ST7: variants seen among roughly 807,000 people sequenced by gnomAD.
The protein encoded by ST7 is suppressor of tumorigenicity 7 protein.
A neutral mutation model predicts 78.7 loss-of-function variants in ST7; 28 were observed. The observed-to-expected ratio is 0.36, with a 90% confidence interval of 0.26 to 0.49. ST7 has a LOEUF of 0.49. ST7 is among the 20% of genes least tolerant of loss of function. The pLI is 0.99. For synonymous variants in ST7, 247 were observed against 249.6 expected (o/e 0.99, Z 0.10); for missense variants, 418 against 696.0 (o/e 0.60, Z 4.49).
intron 1 of ST7, among the ~76,000 whole-genome samples, chr7:117,086,381 T>C (rs527953738): frequency 1.2e-4 from 18 of 152,302 alleles, no homozygotes; most frequent in African/African-American, 4.3e-4. Flanking sequence ...TTTTAACCAA[T>C]TACTGATCCA....
In ST7 at chr7:117,047,744, C is replaced by A. The variant is rs80037917; in HGVS notation, c.152-52018C>A. ...TTTTTCGTGGTTATAAGTCTCCATG[C>A]CAAATTTTTATTCTAGAAATTGGCC... is the stretch of plus-strand genomic sequence containing the variant. On this transcript the variant is annotated intron_variant, in intron 1 of 15. Coordinates refer to ENST00000323984, the MANE Select transcript of ST7 (RefSeq NM_001369598.1). Among the ~76,000 whole-genome samples the A allele has an allele frequency of 5.8e-3, 878 of 152,248 alleles. 9 individuals are homozygous for A. The highest frequency in any genetic ancestry group is 0.02 in the African/African-American group (826 of 41,538).
At chr7:117,135,972 C>A in intron 7 of ST7, 109 bp from the exon 8 acceptor site, 2 of 1,172,986 alleles carry the variant, frequency 1.7e-6, no homozygotes, top group Non-Finnish European at 1.2e-6. Flanking sequence ...AACCAGTTGG[C>A]CACTCTGCAT....
At chr7:117,009,393 G>T (rs1310935880) in intron 1 of ST7, among the ~76,000 whole-genome samples, 2 of 151,820 alleles carry the variant, frequency 1.3e-5, no homozygotes, top group Non-Finnish European at 2.9e-5. Context: ...ACACAGGAAG[G>T]TCTGTGGTTT....
chr7:117,206,742 A>G (rs1287987782), intron 12 of ST7, among the ~76,000 whole-genome samples: 1 of 152,206 alleles, frequency 6.6e-6, no homozygotes, highest in Non-Finnish European at 1.5e-5. Flanking sequence ...GTATATTTTC[A>G]GTCAGTAGCT....
intron 1 of ST7, chr7:117,090,605 C>T (rs1800538582): frequency 6.4e-6 from 1 of 156,608 alleles, no homozygotes; most frequent in South Asian, 2.1e-4. Flanking sequence ...TACAAATAGA[C>T]ATTTATTTTT....
chr7:117,013,604 G>T (rs1393504924), intron 1 of ST7, among the ~76,000 whole-genome samples: 1 of 152,178 alleles, frequency 6.6e-6, no homozygotes, highest in African/African-American at 2.4e-5. Context: ...GAGGCGGGCG[G>T]ATAACCTAAG....
rs1048501618 is a variant in ST7 at position 117,013,979 on chromosome 7, A to G, written c.151+60288A>G. Among the ~76,000 whole-genome samples the G allele has an allele frequency of 2.0e-5, 3 of 152,238 alleles. No homozygotes were observed. The East Asian group carries it at 5.8e-4, about 29-fold the overall frequency. On this transcript the variant is annotated intron_variant, in intron 1 of 15. Transcript: ENST00000323984. ...AAAATCACATTTTATAGCATTGTCA[A>G]CTTTATAATTTCTTTTGGAGAAACC...
chr7:117,217,272 G>A (rs913010479), intron 13 of ST7, among the ~76,000 whole-genome samples: 2 of 148,984 alleles, frequency 1.3e-5, no homozygotes, highest in Non-Finnish European at 3.0e-5. Flanking sequence ...TTTGCACATG[G>A]AGAATCTGGA....
chr7:117,121,249 TA>T (rs918854620), intron 3 of ST7, among the ~76,000 whole-genome samples: 10 of 152,342 alleles, frequency 6.6e-5, no homozygotes, highest in Middle Eastern at 3.4e-3. Flanking sequence ...TTTATTATAC[TA>T]GCTGGATAAA....
intron 1 of ST7, among the ~76,000 whole-genome samples, chr7:117,050,231 A>T (rs867717065): frequency 6.6e-6 from 1 of 151,808 alleles, no homozygotes; most frequent in Non-Finnish European, 1.5e-5. Flanking sequence ...AAAAAAAAGA[A>T]AAAAAGAAAA....
intron 12 of ST7, among the ~76,000 whole-genome samples, chr7:117,194,695 C>A (rs969562705): frequency 1.2e-4 from 18 of 152,312 alleles, no homozygotes; most frequent in African/African-American, 3.6e-4. Flanking sequence ...CTACCCTCAC[C>A]ACGGTTCTAT....
At chr7:117,213,366 A>G (rs1792440769) in intron 13 of ST7, among the ~76,000 whole-genome samples, 1 of 152,214 alleles carries the variant, frequency 6.6e-6, no homozygotes, top group Non-Finnish European at 1.5e-5. Context: ...ACTGGGTTCC[A>G]TGTTTAAAAT....
intron 9 of ST7, among the ~76,000 whole-genome samples, chr7:117,147,321 G>A (rs1431101610): frequency 6.6e-6 from 1 of 152,040 alleles, no homozygotes; most frequent in Non-Finnish European, 1.5e-5. Flanking sequence ...CATTCATTAG[G>A]CTGTGGGATT....
At chr7:117,125,422 A>G (rs973193089) in intron 3 of ST7, among the ~76,000 whole-genome samples, 2 of 152,074 alleles carry the variant, frequency 1.3e-5, no homozygotes, top group African/African-American at 2.4e-5. Flanking sequence ...ATCTTTTGTT[A>G]TTTCATAAAG....
At chr7:117,148,862 G>A (rs546577479) in intron 9 of ST7, among the ~76,000 whole-genome samples, 1 of 152,228 alleles carries the variant, frequency 6.6e-6, no homozygotes, top group South Asian at 2.1e-4. Flanking sequence ...GGGCTGGCAG[G>A]GTTGCTTCTG....
At chr7:116,988,344 TA>T (rs968990550) in intron 1 of ST7, among the ~76,000 whole-genome samples, 3 of 152,234 alleles carry the variant, frequency 2.0e-5, no homozygotes, top group Non-Finnish European at 4.4e-5. Context: ...TGTTTATTGA[TA>T]TTTTTAAAAT....
chr7:117,106,189 G>A (rs1198181412), intron 2 of ST7, among the ~76,000 whole-genome samples: 3 of 151,770 alleles, frequency 2.0e-5, no homozygotes, highest in African/African-American at 4.8e-5. Flanking sequence ...TAGTAGAGAC[G>A]GGGTTTCACC....
chr7:117,198,517 G>T, intron 12 of ST7: 1 of 299,788 alleles, frequency 3.3e-6, no homozygotes, highest in South Asian at 2.9e-5. Context: ...TGTCTTCAGG[G>T]ATTCTGCAGC....
intron 1 of ST7, among the ~76,000 whole-genome samples, chr7:117,023,824 C>T (rs1299971046): frequency 2.7e-5 from 4 of 150,860 alleles, no homozygotes; most frequent in Non-Finnish European, 4.4e-5. Context: ...GTGTGTGTGA[C>T]GGAGTCTCAC....
Sources: allele counts gnomAD v4.1 joint callset (sites outside exome capture counted in the v4.1 genomes callset), GRCh38; gene constraint gnomAD v4.1.1; transcripts MANE v1.5; gene names NCBI Gene and HGNC (gene_info 2026-07-23, HGNC 2026-07-21).